Variants in SYNE1 observed in about 807,000 individuals in gnomAD.
The protein encoded by SYNE1 is nesprin-1.
Under a neutral mutation model 1,111.0 loss-of-function variants are expected in SYNE1, and 616 were observed. The ratio of observed to expected loss-of-function variants is 0.55; its 90% CI spans 0.52 to 0.59. SYNE1 has a LOEUF of 0.59. Among genes scored for constraint, SYNE1 ranks in the 20% least tolerant of loss-of-function variants. The pLI, the probability that SYNE1 is intolerant of heterozygous loss-of-function variation, is 0.00. For missense variants in SYNE1, 10,006 were observed against 10,417.0 expected (o/e 0.96, Z 1.72); for synonymous variants, 3,855 against 3,825.8 (o/e 1.01, Z -0.28).
intron 82 of SYNE1, 37 bp downstream of exon 82, chr6:152,323,441 C>T (rs2095945072): frequency 1.2e-6 from 2 of 1,605,490 alleles, no homozygotes; most frequent in Non-Finnish European, 1.7e-6. Flanking sequence ...TCCAAACAAA[C>T]AAACAAACAA....
intron 145 of SYNE1, chr6:152,126,461 C>T (rs2053485599): frequency 6.6e-6 from 1 of 152,206 alleles, no homozygotes. Context: ...ACCCACTGGT[C>T]ATTCTCCTCT....
chr6:152,573,023 G>C (rs567344275), intron 3 of SYNE1, among the ~76,000 whole-genome samples: 47 of 152,096 alleles, frequency 3.1e-4, no homozygotes, highest in African/African-American at 9.9e-4. Context: ...TCAACTGCTC[G>C]AATTAGATAA....
chr6:152,602,938 G>C (rs2099599593), intron 3 of SYNE1, among the ~76,000 whole-genome samples: 1 of 152,214 alleles, frequency 6.6e-6, no homozygotes, highest in South Asian at 2.1e-4. Context: ...CCCTTTTGTG[G>C]CATTTCAAGG....
At chr6:152,239,778 G>T (rs575482299) in intron 107 of SYNE1, 72 bp from the exon 108 acceptor site, 45 of 1,563,202 alleles carry the variant, frequency 2.9e-5, no homozygotes, top group Admixed American at 5.1e-5. Flanking sequence ...TTGGTTTAGG[G>T]CCGGGTGCGG....
In SYNE1 at chr6:152,326,097, G is replaced by A. The variant is rs1236337903; in HGVS notation, c.15299C>T (p.Thr5100Ile). Residue 5100 changes from threonine (T) to isoleucine (I), a missense_variant, in exon 80 of 146, where the codon ACA becomes ATA. Around this residue, in one of 7 missense-constraint regions of SYNE1, gnomAD observed 4,955 missense variants for 5,017.2 expected, o/e 0.99. Transcript: ENST00000367255. The stretch of plus-strand genomic sequence containing the variant: ...TTTCTGGTAATCGTGCCATTGAGCT[G>A]TGCATCTTGAAAGAGTCCAACAGAA... ...GAQVDLLQRC[T>I]AQWHDYQKAR... 1.2e-6 allele frequency: 2 copies of A among 1,614,074 alleles called. No individual in the cohort carries two copies. The highest frequency in any genetic ancestry group is 1.7e-6 in the Non-Finnish European group (2 of 1,180,032).
At chr6:152,561,312 A>C (rs544481335) in intron 3 of SYNE1, among the ~76,000 whole-genome samples, 18 of 152,326 alleles carry the variant, frequency 1.2e-4, no homozygotes, top group African/African-American at 4.3e-4. Flanking sequence ...AATAAATTTT[A>C]AAAATATTCT....
rs1279749443 is a variant in SYNE1 at position 152,558,552 on chromosome 6, C to T, written c.68-18531G>A. On this transcript the variant is annotated intron_variant, in intron 3 of 145. Transcript: ENST00000367255. ...AGAACAAGGATGGCTATCCTTATATCGCACAATGTAGATTTTAAGTCAAAC... is the reference window on the plus strand; with the variant it reads ...AGAACAAGGATGGCTATCCTTATATTGCACAATGTAGATTTTAAGTCAAAC... Among the ~76,000 whole-genome samples the T allele has an allele frequency of 3.3e-5, 5 of 152,190 alleles. No homozygotes were observed. The Middle Eastern group carries it at 0.01, about 311-fold the overall frequency.
At chr6:152,629,004 AC>A (rs1238565108) in intron 2 of SYNE1, among the ~76,000 whole-genome samples, 1 of 152,182 alleles carries the variant, frequency 6.6e-6, no homozygotes, top group African/African-American at 2.4e-5. Flanking sequence ...TGTTTCTCAT[AC>A]CAATTTGATG....
At chr6:152,294,263 G>A (rs2094757646) in intron 93 of SYNE1, 136 bp from the exon 94 acceptor site, 1 of 827,276 alleles carries the variant, frequency 1.2e-6, no homozygotes, top group Non-Finnish European at 1.9e-6. Context: ...TAGTAAATTA[G>A]TAAACTCTTG....
At chr6:152,225,280 AAC>A (rs57426642) in intron 116 of SYNE1, among the ~76,000 whole-genome samples, 52 of 146,982 alleles carry the variant, frequency 3.5e-4, no homozygotes, top group Non-Finnish European at 4.2e-4. Context: ...CATATGCGCA[AAC>A]ACACACACAC....
Position 152,511,030 on chromosome 6 carries a change from G to A in SYNE1, c.383C>T (p.Thr128Ile), listed in dbSNP as rs760733542. ...CAATACCTGGAAATATAGAATAATG[G>A]TCCACATCAATCCAAGAACTATTGA... ...RPSIVLGLMW[T>I]IILYFQIEEL... is the part of the protein sequence containing the mutation. The change falls in exon 7 of 146, where the codon ACC becomes ATC. Residue 128 changes from threonine (T) to isoleucine (I), a missense_variant. Transcript: ENST00000367255. The A allele has an allele frequency of 6.2e-7, 1 of 1,613,796 alleles. No homozygotes were observed. Among genetic ancestry groups the A allele is most frequent in the Admixed American group, 1.7e-5 (1 of 60,004 alleles).
At chr6:152,244,808 G>C in intron 105 of SYNE1, 152 bp from the exon 106 acceptor site, 1 of 1,087,924 alleles carries the variant, frequency 9.2e-7, no homozygotes, top group Non-Finnish European at 1.4e-6. Context: ...CAAATCGAAA[G>C]CCATGTTCAG....
At chr6:152,339,710 G>T (rs2096490148) in intron 74 of SYNE1, among the ~76,000 whole-genome samples, 1 of 152,204 alleles carries the variant, frequency 6.6e-6, no homozygotes, top group Non-Finnish European at 1.5e-5. Context: ...ACGCTGTCCT[G>T]CCTCTTAACA....
intron 87 of SYNE1, 144 bp downstream of exon 87, chr6:152,316,705 A>C (rs1233691396): frequency 2.3e-5 from 19 of 843,966 alleles, no homozygotes; most frequent in Middle Eastern, 3.4e-4. Context: ...CCAACTACTG[A>C]ACAACTTAGG....
Position 152,236,335 on chromosome 6 carries a change from T to G in SYNE1, c.20200-32A>C, listed in dbSNP as rs552292278. On this transcript the variant is annotated intron_variant, in intron 109 of 145. Coordinates refer to ENST00000367255, the MANE Select transcript of SYNE1 (RefSeq NM_182961.4). ...TATTGAAATTATTGAGTTAAAAGTT[T>G]GGATATGCAATTTTTGTCTTTAAGA... is the stretch of plus-strand genomic sequence containing the variant. 7.2e-6 allele frequency: 11 copies of G among 1,524,622 alleles called. No homozygotes were observed. In the East Asian group the frequency reaches 2.0e-4, roughly 28 times the overall value. 94.4% of individuals were successfully genotyped at this position (1,524,622 alleles called of 1,614,324 possible). A position where few individuals can be genotyped will look rare whatever the true frequency, so the allele number is the denominator to read the frequency against.
chr6:152,610,772 C>A (rs775703212), intron 3 of SYNE1, among the ~76,000 whole-genome samples: 18 of 152,162 alleles, frequency 1.2e-4, no homozygotes, highest in Non-Finnish European at 2.4e-4. Context: ...TAAAGGGAAG[C>A]CCATCAGACT....
chr6:152,533,254 T>C (rs546702251), intron 4 of SYNE1, among the ~76,000 whole-genome samples: 36 of 152,020 alleles, frequency 2.4e-4, no homozygotes, highest in African/African-American at 8.0e-4. Flanking sequence ...CCATTCTTTT[T>C]TGTTTCCTGT....
intron 145 of SYNE1, chr6:152,125,401 T>C (rs1291167186): frequency 6.6e-7 from 1 of 1,526,700 alleles, no homozygotes; most frequent in African/African-American, 1.4e-5. Flanking sequence ...AATCCGTGTG[T>C]GGACGTGGGG....
chr6:152,492,484 T>C (rs2098976204), intron 11 of SYNE1, among the ~76,000 whole-genome samples: 1 of 152,154 alleles, frequency 6.6e-6, no homozygotes, highest in Admixed American at 6.5e-5. Context: ...GGATCTTGCT[T>C]CAAGTGCTGG....
Sources: gnomAD v4.1 joint callset for allele counts (sites outside exome capture counted in the v4.1 genomes callset) on GRCh38, gnomAD v4.1.1 for gene constraint, gnomAD v4.1.1 regional missense constraint, MANE v1.5 for transcripts, NCBI Gene and HGNC (gene_info 2026-07-23, HGNC 2026-07-21) for gene names.